Variants in TDRKH observed in about 807,000 individuals in gnomAD.
TDRKH encodes the protein tudor and KH domain containing, also known as tudor and KH domain-containing protein.
TDRKH carries 28 observed loss-of-function variants against 61.3 expected under a neutral mutation model. That is an observed-to-expected ratio of 0.46 (90% confidence interval 0.34 to 0.63). The LOEUF (loss-of-function observed/expected upper bound fraction) is 0.63, where lower values mean the gene tolerates loss of function less well. Among genes scored for constraint, TDRKH ranks in the 20% least tolerant of loss-of-function variants. The pLI, the probability that TDRKH is intolerant of heterozygous loss-of-function variation, is 0.01. For synonymous variants in TDRKH, 219 were observed against 244.4 expected, an observed-to-expected ratio of 0.90 and a Z score of 0.97; for missense variants, 540 against 683.4, an observed-to-expected ratio of 0.79 and a Z score of 2.34.
chr1:151,789,276 C>CA (rs935474196), intron 1 of TDRKH, among the ~76,000 whole-genome samples: 24 of 152,130 alleles, frequency 1.6e-4, no homozygotes, highest in African/African-American at 4.8e-4. Context: ...GCTGATGTCT[C>CA]AAAAAATGAG....
intron 9 of TDRKH, 80 bp from the exon 10 acceptor site, chr1:151,775,623 C>T (rs1571984559): frequency 6.5e-7 from 1 of 1,539,994 alleles, no homozygotes; most frequent in Non-Finnish European, 8.7e-7. Context: ...CCCTTTTCTA[C>T]TCAGGAAGGC....
chr1:151,768,179 G>A (rs375198253), downstream of TDRKH: 20 of 1,613,882 alleles, frequency 1.2e-5, no homozygotes, highest in African/African-American at 2.7e-5. Flanking sequence ...CTCTGTGACC[G>A]TCGACTCTTC....
In TDRKH at chr1:151,782,951, T is replaced by C. The variant is rs764527814; in HGVS notation, c.72A>G (p.Pro24=). The part of the protein sequence containing the change: ...IQKIALGLGI[P]ASATVAYILY... ...GGATATAGGCAACTGTTGCACTGGC[T>C]GGGATCCCAAGGCCCAGGGCTATTT... Residue 24 remains proline, a synonymous_variant, in exon 2 of 13, where the codon CCA becomes CCG. Coordinates refer to ENST00000368824, the MANE Select transcript of TDRKH (RefSeq NM_001083965.2). 6.2e-7 allele frequency: 1 copy of C among 1,613,726 alleles called. No homozygotes were observed. The highest frequency in any genetic ancestry group is 2.2e-5 in the East Asian group (1 of 44,844).
chr1:151,771,699 G>A (rs1457001830), downstream of TDRKH: 2 of 383,078 alleles, frequency 5.2e-6, no homozygotes, highest in Non-Finnish European at 9.2e-6. Flanking sequence ...ACATAGAAGA[G>A]GGCATTCCAG....
chr1:151,786,224 A>G (rs1650304043), intron 1 of TDRKH, among the ~76,000 whole-genome samples: 1 of 152,228 alleles, frequency 6.6e-6, no homozygotes, highest in South Asian at 2.1e-4. Context: ...CAGGTAAGGG[A>G]GGCTGGAGGT....
chr1:151,768,777 A>C (rs1648467235), downstream of TDRKH, among the ~76,000 whole-genome samples: 1 of 152,150 alleles, frequency 6.6e-6, no homozygotes, highest in South Asian at 2.1e-4. Context: ...ACAAGTGAAC[A>C]AGGGTCTCTG....
At chr1:151,779,748 A>G (rs971536748) in intron 4 of TDRKH, 16 of 513,198 alleles carry the variant, frequency 3.1e-5, no homozygotes, top group Non-Finnish European at 5.5e-5. Flanking sequence ...ATCAATTTGT[A>G]AGGTTCAGAT....
chr1:151,772,339 G>C (rs545748903), downstream of TDRKH, among the ~76,000 whole-genome samples: 1 of 151,982 alleles, frequency 6.6e-6, no homozygotes, highest in Non-Finnish European at 1.5e-5. Flanking sequence ...CAATCTGCCC[G>C]CCTCGGCCTC....
downstream of TDRKH, among the ~76,000 whole-genome samples, chr1:151,769,055 T>C (rs1260962269): frequency 1.3e-5 from 2 of 151,830 alleles, no homozygotes; most frequent in East Asian, 3.9e-4. Flanking sequence ...GTCTCCTATG[T>C]CTACTTCTTT....
Position 151,782,895 on chromosome 1 carries a change from G to A in TDRKH, c.124+4C>T, listed in dbSNP as rs116435411. The A allele has an allele frequency of 3.7e-6, 6 of 1,601,542 alleles. No individual in the cohort carries two copies. The highest frequency in any genetic ancestry group is 2.2e-5 in the South Asian group (2 of 88,900). On this transcript the variant is annotated splice_donor_region_variant and intron_variant, in intron 2 of 12. Coordinates refer to ENST00000368824, the MANE Select transcript of TDRKH (RefSeq NM_001083965.2). ...TCACACACACAGTCATAGGGTTCAC[G>A]TACCTCTGCTTTCCCTATACCTGCG...
chr1:151,770,958 T>G, downstream of TDRKH: 1 of 1,405,642 alleles, frequency 7.1e-7, no homozygotes, highest in South Asian at 1.6e-5. Flanking sequence ...AAGCACATCC[T>G]ATATGCCTGC....
At chr1:151,772,583 C>T (rs1001238498), downstream of TDRKH, among the ~76,000 whole-genome samples, 2 of 152,122 alleles carry the variant, frequency 1.3e-5, no homozygotes, top group Non-Finnish European at 2.9e-5. Context: ...ATTCACTTGC[C>T]ATTTTTCTAC....
At chr1:151,770,986 G>A, downstream of TDRKH, 1 of 1,491,312 alleles carries the variant, frequency 6.7e-7, no homozygotes, top group Non-Finnish European at 8.9e-7. Context: ...TGCTTCCCAG[G>A]GCCACTCCCT....
At chr1:151,769,752 G>T (rs951939510), downstream of TDRKH, among the ~76,000 whole-genome samples, 4 of 152,144 alleles carry the variant, frequency 2.6e-5, no homozygotes, top group African/African-American at 9.7e-5. Context: ...GTAGCGAGCC[G>T]AGATCACGCC....
intron 1 of TDRKH, among the ~76,000 whole-genome samples, chr1:151,787,347 T>C (rs1298380522): frequency 3.9e-5 from 6 of 152,144 alleles, no homozygotes. Context: ...GCCTAATGAG[T>C]AGCTGGGACG....
chr1:151,774,804 G>A lies in TDRKH; in HGVS notation c.1539C>T (p.Ala513=), dbSNP rs1354533650. The A allele has an allele frequency of 6.2e-7, 1 of 1,614,102 alleles. No individual in the cohort carries two copies. ...TGCTGAGAGAGGCATCTGTTTCTGT[G>A]GCCTGAGTGGATGAAAACAGGAAAA... ...RAVPDMLKDM[A]TETDASLSTL... The change falls in exon 12 of 13, where the codon GCC becomes GCT. Residue 513 remains alanine (A), a splice_region_variant and synonymous_variant. Transcript: ENST00000368824.
intron 3 of TDRKH, 24 bp downstream of exon 3, chr1:151,781,457 C>A: frequency 6.3e-7 from 1 of 1,597,202 alleles, no homozygotes; most frequent in Non-Finnish European, 8.6e-7. Flanking sequence ...CTTGGGAAAG[C>A]AGACTGCCTA....
chr1:151,777,802 C>T (rs1232686909), intron 6 of TDRKH, among the ~76,000 whole-genome samples: 2 of 149,714 alleles, frequency 1.3e-5, no homozygotes, highest in Non-Finnish European at 3.0e-5. Context: ...ACTGTAGCCT[C>T]GACTTCCTGG....
intron 1 of TDRKH, among the ~76,000 whole-genome samples, chr1:151,787,409 G>A (rs961571143): frequency 1.3e-5 from 2 of 152,096 alleles, no homozygotes; most frequent in Admixed American, 1.3e-4. Context: ...AGTAGAGACA[G>A]GGTTTCACCA....
Sources: allele counts gnomAD v4.1 joint callset (sites outside exome capture counted in the v4.1 genomes callset), GRCh38; gene constraint gnomAD v4.1.1; transcripts MANE v1.5; gene names NCBI Gene and HGNC (gene_info 2026-07-23, HGNC 2026-07-21).